Variants in CDH4 observed in about 807,000 individuals in gnomAD.
CDH4 encodes cadherin 4.
A neutral mutation model predicts 86.0 loss-of-function variants in CDH4; 33 were observed. The ratio of observed to expected loss-of-function variants is 0.38; its 90% CI spans 0.29 to 0.51. The LOEUF is 0.51. CDH4 is among the 20% of genes least tolerant of loss of function. CDH4 has a pLI of 0.86. For missense variants in CDH4, 1,114 were observed against 1,307.4 expected, an observed-to-expected ratio of 0.85 and a Z score of 2.28; for synonymous variants, 555 against 549.4, an observed-to-expected ratio of 1.01 and a Z score of -0.14.
intron 2 of CDH4, among the ~76,000 whole-genome samples, chr20:61,670,152 A>C (rs1324630728): frequency 6.6e-6 from 1 of 152,216 alleles, no homozygotes; most frequent in African/African-American, 2.4e-5. Flanking sequence ...GCCACATGAC[A>C]TGCAGGGAAA....
intron 4 of CDH4, among the ~76,000 whole-genome samples, chr20:61,791,797 G>C (rs1979215754): frequency 6.6e-6 from 1 of 152,132 alleles, no homozygotes. Flanking sequence ...GCACAGGTCA[G>C]GCAGAGACCC....
At chr20:61,779,113 G>A (rs549751676) in intron 4 of CDH4, among the ~76,000 whole-genome samples, 80 of 152,318 alleles carry the variant, frequency 5.3e-4, no homozygotes, top group African/African-American at 1.8e-3. Context: ...GACTCCTGGC[G>A]AGATTCAGAA....
At chr20:61,782,361 C>T (rs2145999901) in intron 4 of CDH4, among the ~76,000 whole-genome samples, 1 of 152,190 alleles carries the variant, frequency 6.6e-6, no homozygotes, top group South Asian at 2.1e-4. Flanking sequence ...GATAAACAAA[C>T]TGAGGGAATT....
intron 2 of CDH4, among the ~76,000 whole-genome samples, chr20:61,323,296 C>T (rs535281845): frequency 7.2e-4 from 110 of 152,280 alleles, no homozygotes; most frequent in African/African-American, 2.6e-3. Flanking sequence ...CCTGTCCCCT[C>T]GTCTTGGCCT....
At chr20:61,433,401 T>G (rs2145518829) in intron 2 of CDH4, among the ~76,000 whole-genome samples, 1 of 152,296 alleles carries the variant, frequency 6.6e-6, no homozygotes, top group South Asian at 2.1e-4. Flanking sequence ...CAAGTGAATC[T>G]TGAAATCTGG....
At chr20:61,791,589 G>A (rs79568047) in intron 4 of CDH4, among the ~76,000 whole-genome samples, 8,211 of 152,284 alleles carry the variant, frequency 0.054, 701 homozygotes, top group African/African-American at 0.18. Context: ...GAGACAGGCG[G>A]TAAAGGCAAG....
intron 2 of CDH4, among the ~76,000 whole-genome samples, chr20:61,565,403 G>GGTGGT (rs1568689304): frequency 9.7e-5 from 2 of 20,640 alleles, no homozygotes. Context: ...TGATGGTGGT[G>GGTGGT]GCGGTGCTCT....
chr20:61,917,908 C>T (rs950795387), intron 9 of CDH4, among the ~76,000 whole-genome samples: 2 of 152,254 alleles, frequency 1.3e-5, no homozygotes, highest in Admixed American at 1.3e-4. Context: ...GCTGGTGACA[C>T]GATTTTTTAA....
At chr20:61,804,995 C>T (rs1980047044) in intron 4 of CDH4, among the ~76,000 whole-genome samples, 1 of 152,224 alleles carries the variant, frequency 6.6e-6, no homozygotes, top group South Asian at 2.1e-4. Flanking sequence ...CCGTCTTTGA[C>T]ATTAGCCCCG....
At chr20:61,658,764 AC>A (rs986662391) in intron 2 of CDH4, among the ~76,000 whole-genome samples, 2 of 150,822 alleles carry the variant, frequency 1.3e-5, no homozygotes, top group South Asian at 2.1e-4. Flanking sequence ...GGGAAATACC[AC>A]CCCCCCACTC....
At chr20:61,469,410 A>T (rs2085490148) in intron 2 of CDH4, among the ~76,000 whole-genome samples, 1 of 152,092 alleles carries the variant, frequency 6.6e-6, no homozygotes, top group African/African-American at 2.4e-5. Flanking sequence ...CCAGATTATT[A>T]GATTCTTTCC....
intron 4 of CDH4, among the ~76,000 whole-genome samples, chr20:61,802,310 T>A (rs1357158777): frequency 1.3e-5 from 2 of 152,170 alleles, no homozygotes; most frequent in Non-Finnish European, 2.9e-5. Context: ...CAGCTCAAAG[T>A]ACAGAACTGG....
At chr20:61,767,273 G>A (rs1425380838) in intron 3 of CDH4, among the ~76,000 whole-genome samples, 1 of 152,250 alleles carries the variant, frequency 6.6e-6, no homozygotes, top group Non-Finnish European at 1.5e-5. Context: ...TGTGGATGCA[G>A]TGGCTTAAGT....
chr20:61,429,723 G>A (rs1408190400), intron 2 of CDH4, among the ~76,000 whole-genome samples: 3 of 148,856 alleles, frequency 2.0e-5, no homozygotes, highest in African/African-American at 5.0e-5. Context: ...GGGTGGATGG[G>A]TGCATGAATA....
intron 2 of CDH4, among the ~76,000 whole-genome samples, chr20:61,300,723 C>G (rs2084381662): frequency 6.6e-6 from 1 of 152,202 alleles, no homozygotes; most frequent in African/African-American, 2.4e-5. Context: ...TGTCCCCTTT[C>G]TCCAGGACAC....
chr20:61,471,103 G>A (rs2085499517), intron 2 of CDH4, among the ~76,000 whole-genome samples: 1 of 152,024 alleles, frequency 6.6e-6, no homozygotes. Flanking sequence ...AATCTTTTAA[G>A]TAGGATTGAT....
chr20:61,365,227 G>T (rs1463814854), intron 2 of CDH4, among the ~76,000 whole-genome samples: 1 of 152,200 alleles, frequency 6.6e-6, no homozygotes, highest in Non-Finnish European at 1.5e-5. Context: ...GTTCCTAGCT[G>T]TCTTTTTTGG....
intron 2 of CDH4, among the ~76,000 whole-genome samples, chr20:61,338,533 C>T (rs1286401578): frequency 9.9e-5 from 15 of 150,906 alleles, no homozygotes. Context: ...TGCTGCTTCT[C>T]CTGCCTAGAT....
intron 2 of CDH4, among the ~76,000 whole-genome samples, chr20:61,682,838 T>C (rs1453261892): frequency 6.6e-6 from 1 of 152,116 alleles, no homozygotes; most frequent in Non-Finnish European, 1.5e-5. Flanking sequence ...GCATTTGTTA[T>C]GGAAACGTTC....
Sources: allele counts gnomAD v4.1 joint callset (sites outside exome capture counted in the v4.1 genomes callset), GRCh38; gene constraint gnomAD v4.1.1; transcripts MANE v1.5; gene names NCBI Gene and HGNC (gene_info 2026-07-23, HGNC 2026-07-21).